Variants in CTXND1 observed in about 807,000 individuals in gnomAD.
CTXND1 encodes the protein cortexin domain containing 1, also known as cortexin domain-containing 1 protein.
At chr15:80,230,077 GT>G (rs1291673251) in intron 1 of CTXND1, among the ~76,000 whole-genome samples, 13 of 152,184 alleles carry the variant, frequency 8.5e-5, no homozygotes, top group African/African-American at 3.1e-4. Flanking sequence ...AGCTTGGTGA[GT>G]TATTTTCTAG....
At chr15:80,209,779 C>T (rs1447666678) in intron 1 of CTXND1, among the ~76,000 whole-genome samples, 1 of 152,126 alleles carries the variant, frequency 6.6e-6, no homozygotes, top group Non-Finnish European at 1.5e-5. Flanking sequence ...ATTTGTGTAC[C>T]ACACCAGGGC....
At position 80,195,682 on chromosome 15, in the gene CTXND1, C is replaced by T. The variant is rs56264337; in HGVS notation, c.*6088G>A. On this transcript the variant is annotated 3_prime_UTR_variant, in exon 3 of 3. Transcript: ENST00000560778. ...TGAGATAACTGCATTAATCCATTCACTCCGCCCTCATGGCCTAATCACCTC... is the reference window on the plus strand; with the variant it reads ...TGAGATAACTGCATTAATCCATTCATTCCGCCCTCATGGCCTAATCACCTC... 1.3e-5 allele frequency: 2 copies of T among 152,070 alleles called. No homozygotes were observed. Among genetic ancestry groups the T allele is most frequent in the Non-Finnish European group, 2.9e-5 (2 of 68,012 alleles). The allele number at this position is 152,070 out of a possible 1,614,324, so 9.4% of individuals were successfully genotyped here. A position where few individuals can be genotyped will look rare whatever the true frequency, so the allele number is the denominator to read the frequency against.
At chr15:80,214,581 A>G (rs1893233049) in intron 1 of CTXND1, among the ~76,000 whole-genome samples, 1 of 152,168 alleles carries the variant, frequency 6.6e-6, no homozygotes, top group Non-Finnish European at 1.5e-5. Flanking sequence ...GATTTAGAAA[A>G]TTACTATAAT....
intron 1 of CTXND1, among the ~76,000 whole-genome samples, chr15:80,224,833 T>G (rs906121669): frequency 5.3e-5 from 8 of 152,194 alleles, no homozygotes; most frequent in Non-Finnish European, 1.2e-4. Context: ...AACCTCTGCC[T>G]CCTGGATTCA....
chr15:80,217,693 C>G (rs1454541462), intron 1 of CTXND1, among the ~76,000 whole-genome samples: 3 of 151,810 alleles, frequency 2.0e-5, no homozygotes, highest in Non-Finnish European at 4.4e-5. Context: ...ACTACAGGCG[C>G]ACACCACCAT....
intron 1 of CTXND1, among the ~76,000 whole-genome samples, chr15:80,213,323 A>G (rs1225698187): frequency 6.6e-6 from 1 of 152,242 alleles, no homozygotes; most frequent in African/African-American, 2.4e-5. Context: ...AGAGTGGCCA[A>G]TGGTAGGTTG....
intron 1 of CTXND1, among the ~76,000 whole-genome samples, chr15:80,228,894 C>T (rs1224887271): frequency 3.3e-5 from 5 of 151,788 alleles, no homozygotes; most frequent in African/African-American, 4.8e-5. Context: ...CCCGAAAGTG[C>T]TGGGATTACA....
At chr15:80,205,968 A>C (rs551407767) in intron 1 of CTXND1, among the ~76,000 whole-genome samples, 62 of 152,352 alleles carry the variant, frequency 4.1e-4, no homozygotes, top group African/African-American at 1.4e-3. Flanking sequence ...TTTGAAAGAA[A>C]ATTTGAAAGA....
At chr15:80,207,327 T>C (rs960583611) in intron 1 of CTXND1, among the ~76,000 whole-genome samples, 2 of 152,176 alleles carry the variant, frequency 1.3e-5, no homozygotes, top group Non-Finnish European at 2.9e-5. Flanking sequence ...TCTGAATATT[T>C]TTATGAACTA....
At chr15:80,222,371 A>G (rs544037608) in intron 1 of CTXND1, among the ~76,000 whole-genome samples, 5 of 152,268 alleles carry the variant, frequency 3.3e-5, no homozygotes, top group African/African-American at 1.2e-4. Context: ...CAGGTAACAT[A>G]TCATTTTGCC....
At chr15:80,217,432 T>A (rs1372966922) in intron 1 of CTXND1, among the ~76,000 whole-genome samples, 1 of 152,208 alleles carries the variant, frequency 6.6e-6, no homozygotes, top group Non-Finnish European at 1.5e-5. Flanking sequence ...TTTTTTGTAC[T>A]ATTTTGTTAA....
intron 2 of CTXND1, among the ~76,000 whole-genome samples, chr15:80,202,469 C>T (rs939866626): frequency 2.0e-5 from 3 of 152,180 alleles, no homozygotes; most frequent in African/African-American, 7.2e-5. Flanking sequence ...ATGTATTTTA[C>T]AGACAGGGTC....
intron 1 of CTXND1, among the ~76,000 whole-genome samples, chr15:80,251,299 A>C (rs1223761994): frequency 6.6e-6 from 1 of 152,208 alleles, no homozygotes; most frequent in Non-Finnish European, 1.5e-5. Flanking sequence ...ATTAGAACCC[A>C]GGATAGGTCT....
intron 1 of CTXND1, among the ~76,000 whole-genome samples, chr15:80,243,202 GC>G (rs1171750330): frequency 1.3e-5 from 2 of 152,158 alleles, no homozygotes; most frequent in Admixed American, 6.5e-5. Flanking sequence ...CTCCTACAGG[GC>G]CTAGTTGTTG....
At chr15:80,246,439 C>T (rs1008265527) in intron 1 of CTXND1, among the ~76,000 whole-genome samples, 1 of 152,180 alleles carries the variant, frequency 6.6e-6, no homozygotes, top group African/African-American at 2.4e-5. Flanking sequence ...CGATGAAGAT[C>T]GGAGCCACAT....
At chr15:80,241,894 G>T (rs1893572154) in intron 1 of CTXND1, among the ~76,000 whole-genome samples, 1 of 152,174 alleles carries the variant, frequency 6.6e-6, no homozygotes, top group South Asian at 2.1e-4. Context: ...ACCCACATAT[G>T]CAAAATGATA....
At chr15:80,240,508 C>T (rs1173502920) in intron 1 of CTXND1, among the ~76,000 whole-genome samples, 2 of 149,422 alleles carry the variant, frequency 1.3e-5, no homozygotes, top group African/African-American at 5.1e-5. Context: ...CCTGCCAACA[C>T]TCCCCCCCCA....
intron 1 of CTXND1, among the ~76,000 whole-genome samples, chr15:80,229,227 A>G (rs1266905103): frequency 6.6e-6 from 1 of 151,970 alleles, no homozygotes; most frequent in Non-Finnish European, 1.5e-5. Context: ...CCGCACCCTG[A>G]CTGGGGCTGG....
intron 1 of CTXND1, among the ~76,000 whole-genome samples, chr15:80,234,752 A>G (rs933201694): frequency 6.6e-6 from 1 of 152,204 alleles, no homozygotes; most frequent in Admixed American, 6.5e-5. Context: ...TGCTGGGATT[A>G]TAAGCGTGAG....
Sources: allele counts gnomAD v4.1 joint callset (sites outside exome capture counted in the v4.1 genomes callset), GRCh38; gene constraint gnomAD v4.1.1; transcripts MANE v1.5; gene names NCBI Gene and HGNC (gene_info 2026-07-23, HGNC 2026-07-21).